Variants in PARD3B observed in about 807,000 individuals in gnomAD.
PARD3B encodes the protein partitioning defective 3 homolog B.
A neutral mutation model predicts 130.2 loss-of-function variants in PARD3B; 103 were observed. That is an observed-to-expected ratio of 0.79 (90% confidence interval 0.67 to 0.93). The LOEUF (loss-of-function observed/expected upper bound fraction) is 0.93, where lower values mean the gene tolerates loss of function less well. PARD3B is among the 40% of genes least tolerant of loss of function. The probability of loss-of-function intolerance (pLI) is 0.00; values close to 1 mark genes in which losing one functional copy is unlikely to be tolerated. For missense variants in PARD3B, 1,609 were observed against 1,499.2 expected, an observed-to-expected ratio of 1.07 and a Z score of -1.21; for synonymous variants, 583 against 553.2, an observed-to-expected ratio of 1.05 and a Z score of -0.76.
At chr2:204,904,021 A>G (rs1402572147) in intron 2 of PARD3B, among the ~76,000 whole-genome samples, 13 of 152,204 alleles carry the variant, frequency 8.5e-5, no homozygotes, top group Admixed American at 6.5e-5. Flanking sequence ...TATACCACAC[A>G]TAAGAGTTTT....
In PARD3B at chr2:205,547,013, G is replaced by GA. The variant is rs199544356; in HGVS notation, c.3181-6304dup. Among the ~76,000 whole-genome samples the GA allele has an allele frequency of 1.4e-3, 213 of 152,080 alleles. 2 individuals are homozygous for GA. The East Asian group carries it at 0.031, about 22-fold the overall frequency. ...TTTTCCACAATAATCATTTAATGGA[G>GA]AAAAAAATGATTAAATCTGTTTTTT... On this transcript the variant is annotated intron_variant, in intron 21 of 22. Coordinates refer to ENST00000406610, the MANE Select transcript of PARD3B (RefSeq NM_001302769.2).
chr2:205,478,090 T>C (rs180720498), intron 20 of PARD3B, among the ~76,000 whole-genome samples: 2 of 152,334 alleles, frequency 1.3e-5, no homozygotes, highest in East Asian at 3.9e-4. Context: ...ATCTGTAGCT[T>C]TCCCTCCTGG....
chr2:205,323,687 C>G (rs957853320), intron 18 of PARD3B, among the ~76,000 whole-genome samples: 4 of 152,156 alleles, frequency 2.6e-5, no homozygotes, highest in Non-Finnish European at 5.9e-5. Flanking sequence ...ATACAAATCT[C>G]TGTCATGGGA....
chr2:205,440,264 G>T lies in PARD3B; in HGVS notation c.2742-106G>T, dbSNP rs915833525. ...TGTGATCTTGAGTAAACAGGAGAAT[G>T]ACAGCTAAGAGACGAGGAAGAGTTA... On this transcript the variant is annotated intron_variant, in intron 19 of 22. Coordinates refer to ENST00000406610, the MANE Select transcript of PARD3B (RefSeq NM_001302769.2). This position sits in a 1 kb window ranked among gnomAD's most constrained non-coding sequence, Gnocchi z 4.2. The T allele has an allele frequency of 1.8e-6, 2 of 1,128,236 alleles. No homozygotes were observed. Among genetic ancestry groups the T allele is most frequent in the Non-Finnish European group, 2.5e-6 (2 of 790,186 alleles). The allele number at this position is 1,128,236 out of a possible 1,614,324, so 69.9% of individuals were successfully genotyped here.
At chr2:205,019,934 GC>G (rs975448623) in intron 3 of PARD3B, among the ~76,000 whole-genome samples, 7 of 152,088 alleles carry the variant, frequency 4.6e-5, no homozygotes, top group Non-Finnish European at 1.0e-4. Context: ...AAGCTTAATG[GC>G]AATAAAGTTA....
chr2:205,475,005 T>G (rs1378348378), intron 20 of PARD3B, among the ~76,000 whole-genome samples: 1 of 152,172 alleles, frequency 6.6e-6, no homozygotes, highest in African/African-American at 2.4e-5. Context: ...AATCAACTTC[T>G]GTTTCCTCCC....
intron 22 of PARD3B, among the ~76,000 whole-genome samples, chr2:205,601,789 G>T (rs2054795221): frequency 2.6e-5 from 4 of 151,574 alleles, no homozygotes; most frequent in Non-Finnish European, 1.5e-5. Context: ...TTCTAGATGG[G>T]GTCTTCTAGA....
Position 205,301,538 on chromosome 2 carries a change from G to A in PARD3B, c.2467G>A (p.Glu823Lys). 1 of 1,613,938 alleles carries A rather than the reference G, an allele frequency of 6.2e-7. No individual in the cohort carries two copies. The highest frequency in any genetic ancestry group is 1.1e-5 in the South Asian group (1 of 91,058). The change falls in exon 18 of 23, where the codon GAG (glutamate) becomes AAG (lysine). Residue 823 changes from glutamate (E) to lysine (K), a missense_variant. Glu to Lys is a moderately conservative substitution (Grantham distance 56). Transcript: ENST00000406610. This position sits in a 1 kb window ranked among gnomAD's most constrained non-coding sequence, Gnocchi z 5.2. ...TGAGTCTGCCCCTCAGGGGAATTCG[G>A]AGCTAGAGGACATGGAAAATAAAGC... ...NCESAPQGNSELEDMENKARK... is the reference protein window; with the variant it reads ...NCESAPQGNSKLEDMENKARK...
At chr2:204,645,642 T>A (rs2035245478) in intron 1 of PARD3B, among the ~76,000 whole-genome samples, 1 of 152,104 alleles carries the variant, frequency 6.6e-6, no homozygotes, top group Non-Finnish European at 1.5e-5. Context: ...CTCATCATAG[T>A]AGCCCATTCT....
Position 205,486,394 on chromosome 2 carries a change from A to T in PARD3B, c.3045-13502A>T, listed in dbSNP as rs532602859. 2.0e-5 allele frequency among the ~76,000 whole-genome samples: 3 copies of T among 152,286 alleles called. No homozygotes were observed. In the South Asian group the frequency reaches 6.2e-4, roughly 32 times the overall value. ...GAGCTGTGGGATCTTCTTGGATTGA[A>T]TGCCCTTTGGGAGCTAAGTAGATGC... is the stretch of plus-strand genomic sequence containing the variant. On this transcript the variant is annotated intron_variant, in intron 20 of 22. Transcript: ENST00000406610.
intron 2 of PARD3B, among the ~76,000 whole-genome samples, chr2:204,700,624 C>T (rs868726154): frequency 1.3e-5 from 2 of 152,012 alleles, no homozygotes; most frequent in African/African-American, 4.8e-5. Context: ...TGCATAAAAC[C>T]TGAAATCTGC....
rs1222094932 is a variant in PARD3B at position 205,380,710 on chromosome 2, CATT to C, written c.2631-20300_2631-20298del. On this transcript the variant is annotated intron_variant, in intron 18 of 22. Transcript: ENST00000406610. ...ATATATACTATATATAAAGAATATA[CATT>C]ATATATACTATATATAAAGAATATA... is the stretch of plus-strand genomic sequence containing the variant. Among the ~76,000 whole-genome samples, 41 of 92,086 alleles carry C rather than the reference CATT, an allele frequency of 4.5e-4. No homozygotes were observed. The South Asian group carries it at 5.4e-3, about 12-fold the overall frequency. The allele number at this position is 92,086 out of a possible 152,430, so 60.4% of individuals were successfully genotyped here.
rs1471952558 is a variant in PARD3B at position 205,264,593 on chromosome 2, A to G, written c.2185+18771A>G. 1.3e-5 allele frequency among the ~76,000 whole-genome samples: 2 copies of G among 151,192 alleles called. 1 individual carries two copies. The highest frequency in any genetic ancestry group is 4.9e-5 in the African/African-American group (2 of 41,192). ...GACATGAGAACATAGAAGTCATACA[A>G]TGAAATTTGCACTGATTTTGTGAAC... On this transcript the variant is annotated intron_variant, in intron 16 of 22. Transcript: ENST00000406610.
intron 21 of PARD3B, among the ~76,000 whole-genome samples, chr2:205,505,828 T>C (rs1365563226): frequency 2.0e-5 from 3 of 152,172 alleles, no homozygotes; most frequent in Admixed American, 6.5e-5. Flanking sequence ...CCTTTATTAT[T>C]GTCTTTTTCA....
intron 2 of PARD3B, among the ~76,000 whole-genome samples, chr2:204,817,696 G>T (rs7593832): frequency 0.11 from 16,382 of 152,024 alleles, 1,477 homozygotes; most frequent in African/African-American, 0.25. Flanking sequence ...AGCTGCTTTG[G>T]ACTCTTCAAA....
At chr2:205,595,525 CG>C (rs1350451254) in intron 22 of PARD3B, among the ~76,000 whole-genome samples, 1 of 152,184 alleles carries the variant, frequency 6.6e-6, no homozygotes, top group East Asian at 1.9e-4. Flanking sequence ...GCTGCAGCTT[CG>C]TGACTGATTT....
At chr2:204,962,067 A>G (rs1690791804) in intron 2 of PARD3B, among the ~76,000 whole-genome samples, 1 of 152,180 alleles carries the variant, frequency 6.6e-6, no homozygotes, top group African/African-American at 2.4e-5. Context: ...GCATATTCAT[A>G]GACTGACCTT....
rs1239817561 is a variant in PARD3B, at chr2:205,160,663, GCAA to G, written c.1620+1766_1620+1768del. On this transcript the variant is annotated intron_variant, in intron 11 of 22. Transcript: ENST00000406610. This position sits in a 1 kb window ranked among gnomAD's most constrained non-coding sequence, Gnocchi z 4.0. ...GAGCAAAAGCGAAATAGTAGTAATA[GCAA>G]CAACAACAATAGCAATGAACATTTA... is the stretch of plus-strand genomic sequence containing the variant. 3.9e-5 allele frequency among the ~76,000 whole-genome samples: 6 copies of G among 152,178 alleles called. No individual in the cohort carries two copies. The highest frequency in any genetic ancestry group is 2.9e-5 in the Non-Finnish European group (2 of 68,034).
At chr2:205,220,400 G>A (rs770035807) in intron 15 of PARD3B, among the ~76,000 whole-genome samples, 5 of 152,070 alleles carry the variant, frequency 3.3e-5, no homozygotes, top group Non-Finnish European at 5.9e-5. Flanking sequence ...TTCTTTGCCC[G>A]AAACACATCT....
Sources: allele counts gnomAD v4.1 joint callset (sites outside exome capture counted in the v4.1 genomes callset), GRCh38; gene constraint gnomAD v4.1.1; non-coding constraint Gnocchi (gnomAD v3.1); transcripts MANE v1.5; gene names NCBI Gene and HGNC (gene_info 2026-07-23, HGNC 2026-07-21).